Variants in DPYSL5 observed in about 807,000 individuals in gnomAD.
DPYSL5 encodes the protein dihydropyrimidinase like 5.
A neutral mutation model predicts 58.4 loss-of-function variants in DPYSL5; 9 were observed. The observed-to-expected ratio is 0.15, with a 90% CI of 0.09 to 0.27. The LOEUF (loss-of-function observed/expected upper bound fraction) is 0.27, where lower values mean the gene tolerates loss of function less well. Ranked by LOEUF, DPYSL5 falls within the 10% of genes least tolerant of loss-of-function variation. The probability of loss-of-function intolerance (pLI) is 1.00; values close to 1 mark genes in which losing one functional copy is unlikely to be tolerated. For synonymous variants in DPYSL5, 293 were observed against 301.9 expected (o/e 0.97, Z 0.31); for missense variants, 499 against 770.6 (o/e 0.65, Z 4.17).
At chr2:26,879,374 A>T (rs1350040130) in intron 1 of DPYSL5, among the ~76,000 whole-genome samples, 2 of 149,522 alleles carry the variant, frequency 1.3e-5, no homozygotes, top group Non-Finnish European at 3.0e-5. Flanking sequence ...TAATCCCAGC[A>T]CTTTGGGAGC....
At chr2:26,919,892 A>C (rs1174477564) in intron 2 of DPYSL5, among the ~76,000 whole-genome samples, 2 of 152,252 alleles carry the variant, frequency 1.3e-5, no homozygotes, top group African/African-American at 4.8e-5. Flanking sequence ...ACATGGAGGC[A>C]TGTTTATACA....
chr2:26,904,662 G>A (rs1234503891), intron 2 of DPYSL5, among the ~76,000 whole-genome samples: 1 of 152,184 alleles, frequency 6.6e-6, no homozygotes, highest in African/African-American at 2.4e-5. Flanking sequence ...CAGCACTTTG[G>A]GAGGCCAAGC....
Position 26,928,757 on chromosome 2 carries a change from G to A in DPYSL5, c.669+434G>A, listed in dbSNP as rs1438166776. On this transcript the variant is annotated intron_variant, in intron 5 of 12. Transcript: ENST00000288699. ...CACACACACGCACACACATACGTGT[G>A]TGCGTGTGTGTGTGTGTGTATAGCA... is the stretch of plus-strand genomic sequence containing the variant. Among the ~76,000 whole-genome samples the A allele has an allele frequency of 2.1e-4, 6 of 28,922 alleles. 3 individuals are homozygous for A. Among genetic ancestry groups the A allele is most frequent in the Non-Finnish European group, 5.4e-4 (6 of 11,118 alleles). 19.0% of individuals were successfully genotyped at this position (28,922 alleles called of 152,430 possible).
At chr2:26,859,581 C>T (rs1223280355) in intron 1 of DPYSL5, among the ~76,000 whole-genome samples, 1 of 152,118 alleles carries the variant, frequency 6.6e-6, no homozygotes, top group Non-Finnish European at 1.5e-5. Flanking sequence ...GCTACTCAGT[C>T]ATTAACAGGA....
intron 1 of DPYSL5, among the ~76,000 whole-genome samples, chr2:26,850,842 A>C (rs1665732590): frequency 6.6e-6 from 1 of 152,230 alleles, no homozygotes; most frequent in African/African-American, 2.4e-5. Context: ...CTGGTTTTAA[A>C]GGATGGTGTT....
intron 1 of DPYSL5, among the ~76,000 whole-genome samples, chr2:26,887,153 T>C (rs1663740014): frequency 6.6e-6 from 1 of 152,266 alleles, no homozygotes; most frequent in Non-Finnish European, 1.5e-5. Flanking sequence ...GATATCACAG[T>C]GACCAGTTAT....
chr2:26,936,945 T>TAA (rs55795892), intron 8 of DPYSL5, among the ~76,000 whole-genome samples: 43,765 of 78,628 alleles, frequency 0.56, 12,008 homozygotes, highest in Admixed American at 0.74. Context: ...AGACTTCATT[T>TAA]AAAAAAAAAA....
intron 6 of DPYSL5, among the ~76,000 whole-genome samples, chr2:26,932,202 A>AG (rs1665044911): frequency 1.6e-5 from 1 of 61,344 alleles, no homozygotes. Context: ...AAAGAAAGAA[A>AG]GAAAGAAAAG....
intron 1 of DPYSL5, among the ~76,000 whole-genome samples, chr2:26,850,231 C>A (rs570599679): frequency 5.6e-4 from 86 of 152,322 alleles, no homozygotes; most frequent in African/African-American, 1.9e-3. Context: ...CAAGCCAGTG[C>A]GTCTCTTGCA....
At chr2:26,887,534 C>G (rs183578544) in intron 1 of DPYSL5, among the ~76,000 whole-genome samples, 1 of 152,314 alleles carries the variant, frequency 6.6e-6, no homozygotes, top group East Asian at 1.9e-4. Context: ...AAACTGTGTA[C>G]CTTATAGGAG....
chr2:26,927,515 T>C lies in DPYSL5; in HGVS notation c.600+83T>C. The stretch of plus-strand genomic sequence containing the variant: ...CAGGGGATTCCTGACCACCCGTCAC[T>C]GATCCCACAGGATTCAGACAAAATC... On this transcript the variant is annotated intron_variant, in intron 4 of 12. Transcript: ENST00000288699. The surrounding 1 kb of genome is among the most constrained non-coding windows in gnomAD (Gnocchi z 4.3). 1 of 1,508,580 alleles carries C rather than the reference T, an allele frequency of 6.6e-7. No individual in the cohort carries two copies. Among genetic ancestry groups the C allele is most frequent in the Non-Finnish European group, 9.0e-7 (1 of 1,114,338 alleles). 93.4% of individuals were successfully genotyped at this position (1,508,580 alleles called of 1,614,324 possible).
At chr2:26,923,616 C>G (rs556897473) in intron 2 of DPYSL5, among the ~76,000 whole-genome samples, 1 of 152,202 alleles carries the variant, frequency 6.6e-6, no homozygotes, top group East Asian at 1.9e-4. Context: ...TGTCTTAGAG[C>G]CCTCACAAAG....
chr2:26,851,740 C>T (rs1443775103), intron 1 of DPYSL5, among the ~76,000 whole-genome samples: 5 of 152,138 alleles, frequency 3.3e-5, no homozygotes, highest in Admixed American at 1.3e-4. Context: ...GTCAGGAGTT[C>T]GAGACCAGCC....
intron 1 of DPYSL5, among the ~76,000 whole-genome samples, chr2:26,878,557 C>G (rs144273359): frequency 1.1e-4 from 16 of 152,228 alleles, no homozygotes; most frequent in Non-Finnish European, 2.2e-4. Context: ...AAAGAAAAGC[C>G]TAACTCAATC....
At chr2:26,906,170 A>G (rs1452945724) in intron 2 of DPYSL5, among the ~76,000 whole-genome samples, 1 of 150,096 alleles carries the variant, frequency 6.7e-6, no homozygotes, top group Non-Finnish European at 1.5e-5. Flanking sequence ...TCTTTCACCA[A>G]GAAAAAAACC....
chr2:26,877,126 C>G lies in DPYSL5; in HGVS notation c.-4-21370C>G, dbSNP rs1045749738. ...GGATTATAGGCGCCTGCCACCAAGCCCGGCTAATTTTTGTATTTTTAGTAG... is the reference window on the plus strand; with the variant it reads ...GGATTATAGGCGCCTGCCACCAAGCGCGGCTAATTTTTGTATTTTTAGTAG... On this transcript the variant is annotated intron_variant, in intron 1 of 12. Coordinates refer to ENST00000288699, the MANE Select transcript of DPYSL5 (RefSeq NM_020134.4). This position sits in a 1 kb window ranked among gnomAD's most constrained non-coding sequence, Gnocchi z 4.1. Among the ~76,000 whole-genome samples the G allele has an allele frequency of 1.3e-5, 2 of 151,706 alleles. No homozygotes were observed. The highest frequency in any genetic ancestry group is 4.8e-5 in the African/African-American group (2 of 41,290).
intron 5 of DPYSL5, among the ~76,000 whole-genome samples, chr2:26,928,938 A>G (rs1224855201): frequency 6.6e-6 from 1 of 151,810 alleles, no homozygotes; most frequent in African/African-American, 2.4e-5. Flanking sequence ...ATTTCAAACT[A>G]TAAACTCTGC....
At position 26,849,983 on chromosome 2, in the gene DPYSL5, G is replaced by A. The variant is rs1026416445; in HGVS notation, c.-5+1729G>A. 2.6e-5 allele frequency among the ~76,000 whole-genome samples: 4 copies of A among 152,234 alleles called. No homozygotes were observed. The highest frequency in any genetic ancestry group is 9.6e-5 in the African/African-American group (4 of 41,464). ...GGAGCTGCCGGGCGGCGACGCAGGT[G>A]CCAAAGACTGGAGGTCGCCTCGGTG... On this transcript the variant is annotated intron_variant, in intron 1 of 12. Coordinates refer to ENST00000288699, the MANE Select transcript of DPYSL5 (RefSeq NM_020134.4). The surrounding 1 kb of genome is among the most constrained non-coding windows in gnomAD (Gnocchi z 6.2).
chr2:26,918,773 A>G (rs1308472459), intron 2 of DPYSL5, among the ~76,000 whole-genome samples: 1 of 151,926 alleles, frequency 6.6e-6, no homozygotes, highest in Non-Finnish European at 1.5e-5. Flanking sequence ...GATTCCAGTC[A>G]CCTCCTCAAA....
Sources: allele counts gnomAD v4.1 joint callset (sites outside exome capture counted in the v4.1 genomes callset), GRCh38; gene constraint gnomAD v4.1.1; non-coding constraint Gnocchi (gnomAD v3.1); transcripts MANE v1.5; gene names NCBI Gene and HGNC (gene_info 2026-07-23, HGNC 2026-07-21).